SLC14A2: variants seen among roughly 807,000 people sequenced by gnomAD.
The protein encoded by SLC14A2 is solute carrier family 14 member 2.
A neutral mutation model predicts 104.6 loss-of-function variants in SLC14A2; 91 were observed. That is an observed-to-expected ratio of 0.87 (90% CI 0.73 to 1.04). The LOEUF is 1.04. Among genes scored for constraint, SLC14A2 ranks in the 50% least tolerant of loss-of-function variants. SLC14A2 has a pLI of 0.00. For synonymous variants in SLC14A2, 476 were observed against 466.4 expected (o/e 1.02, Z -0.27); for missense variants, 1,189 against 1,156.0 (o/e 1.03, Z -0.41).
chr18:45,304,680 G>A (rs2085000254), intron 1 of SLC14A2, among the ~76,000 whole-genome samples: 2 of 152,196 alleles, frequency 1.3e-5, no homozygotes, highest in Admixed American at 1.3e-4. Flanking sequence ...GGTGTTGGGA[G>A]CAAAAGACAA....
intron 1 of SLC14A2, among the ~76,000 whole-genome samples, chr18:45,266,609 C>A (rs575290039): frequency 3.9e-5 from 6 of 152,092 alleles, no homozygotes; most frequent in Non-Finnish European, 7.4e-5. Context: ...TTCTTTATAG[C>A]CTTTTATGGC....
chr18:45,324,592 C>T (rs989662567), intron 1 of SLC14A2, among the ~76,000 whole-genome samples: 4 of 151,944 alleles, frequency 2.6e-5, no homozygotes, highest in Non-Finnish European at 4.4e-5. Context: ...CCAAGGAATT[C>T]CAGCAAGTCT....
intron 1 of SLC14A2, among the ~76,000 whole-genome samples, chr18:45,401,840 T>G (rs906132832): frequency 6.6e-6 from 1 of 152,124 alleles, no homozygotes; most frequent in African/African-American, 2.4e-5. Flanking sequence ...GGTGATACAT[T>G]AGATATGCTT....
At chr18:45,589,427 A>T (rs893518233) in intron 2 of SLC14A2, among the ~76,000 whole-genome samples, 2 of 152,162 alleles carry the variant, frequency 1.3e-5, no homozygotes, top group African/African-American at 2.4e-5. Context: ...AGGGGCCAAC[A>T]TCTCTGACTG....
At chr18:45,339,652 C>G (rs1398207218) in intron 1 of SLC14A2, among the ~76,000 whole-genome samples, 1 of 152,034 alleles carries the variant, frequency 6.6e-6, no homozygotes, top group African/African-American at 2.4e-5. Flanking sequence ...AAGAGAATGA[C>G]CTGGATTGTG....
intron 10 of SLC14A2, among the ~76,000 whole-genome samples, chr18:45,657,485 A>T (rs1480623942): frequency 6.9e-6 from 1 of 144,150 alleles, no homozygotes; most frequent in Non-Finnish European, 1.5e-5. Context: ...AGACTGTGTC[A>T]AGGAAAAAAA....
intron 2 of SLC14A2, chr18:45,515,578 G>C (rs1364435141): frequency 2.0e-5 from 3 of 152,186 alleles, no homozygotes; most frequent in African/African-American, 7.2e-5. Context: ...GCTTCACATG[G>C]GGATGAAACT....
chr18:45,399,641 A>G (rs999768264), intron 1 of SLC14A2, among the ~76,000 whole-genome samples: 3 of 152,070 alleles, frequency 2.0e-5, no homozygotes, highest in African/African-American at 7.3e-5. Flanking sequence ...GGGGAGAAGG[A>G]AGAATACATA....
chr18:45,471,854 T>A (rs2087255186), intron 1 of SLC14A2, among the ~76,000 whole-genome samples: 1 of 151,642 alleles, frequency 6.6e-6, no homozygotes, highest in Admixed American at 6.6e-5. Flanking sequence ...GGCTTGTTGT[T>A]TTTTTATTTG....
At chr18:45,194,082 CAT>C in the SLC14A2 span, among the ~76,000 whole-genome samples, 1 of 152,194 alleles carries the variant, frequency 6.6e-6, no homozygotes, top group African/African-American at 2.4e-5. Flanking sequence ...TCAACTCCCT[CAT>C]AGTCAACTTT....
rs552377931 is a variant in SLC14A2, at chr18:45,409,371, C to T, written c.-124-73862C>T. On this transcript the variant is annotated intron_variant, in intron 1 of 20. Transcript: ENST00000586448. ...GTTCTGGGGGTCATGTCAATGCCTA[C>T]GGCTACTCCGTCATCTCTCTACCTT... Among the ~76,000 whole-genome samples the T allele has an allele frequency of 9.9e-5, 15 of 152,276 alleles. No homozygotes were observed. In the South Asian group the frequency reaches 1.5e-3, roughly 15 times the overall value.
chr18:45,186,520 C>A, the SLC14A2 span, among the ~76,000 whole-genome samples: 74 of 152,288 alleles, frequency 4.9e-4, no homozygotes, highest in Non-Finnish European at 8.8e-4. Flanking sequence ...CTAGAGACTT[C>A]CAGTTTTAAC....
chr18:45,223,991 C>A (rs1337833724), intron 1 of SLC14A2, among the ~76,000 whole-genome samples: 3 of 152,216 alleles, frequency 2.0e-5, no homozygotes, highest in African/African-American at 7.2e-5. Context: ...CCCTCCAATT[C>A]CTTTCCTTCT....
intron 1 of SLC14A2, among the ~76,000 whole-genome samples, chr18:45,346,732 TGGCCAACATGATGAAACCC>T (rs996488368): frequency 2.0e-5 from 3 of 151,858 alleles, no homozygotes; most frequent in Non-Finnish European, 4.4e-5. Context: ...GTTCGAGACC[TGGCCAACATGATGAAACCC>T]GGCCAACATG....
At chr18:45,676,112 C>T (rs2046225940) in intron 18 of SLC14A2, among the ~76,000 whole-genome samples, 1 of 152,172 alleles carries the variant, frequency 6.6e-6, no homozygotes, top group Non-Finnish European at 1.5e-5. Flanking sequence ...TCTAAATGCT[C>T]AGAGATCTTT....
At chr18:45,332,172 CT>C (rs2085296858) in intron 1 of SLC14A2, among the ~76,000 whole-genome samples, 8 of 152,142 alleles carry the variant, frequency 5.3e-5, no homozygotes, top group Admixed American at 5.2e-4. Context: ...TGGATTTCTC[CT>C]TGGCAATCAG....
At chr18:45,414,923 T>C (rs994778099) in intron 1 of SLC14A2, among the ~76,000 whole-genome samples, 17 of 151,402 alleles carry the variant, frequency 1.1e-4, no homozygotes, top group African/African-American at 4.1e-4. Flanking sequence ...TGTTAATTTA[T>C]TTTCAGCAGA....
At chr18:45,184,705 A>C in the SLC14A2 span, among the ~76,000 whole-genome samples, 1 of 152,262 alleles carries the variant, frequency 6.6e-6, no homozygotes, top group Non-Finnish European at 1.5e-5. Context: ...AGGCATAAGT[A>C]GTAAACTTTC....
chr18:45,351,781 G>A (rs1252085981), intron 1 of SLC14A2, among the ~76,000 whole-genome samples: 1 of 152,208 alleles, frequency 6.6e-6, no homozygotes, highest in Non-Finnish European at 1.5e-5. Flanking sequence ...ATGGAGAGAT[G>A]AGACAGACAT....
Sources: allele counts gnomAD v4.1 joint callset (sites outside exome capture counted in the v4.1 genomes callset), GRCh38; gene constraint gnomAD v4.1.1; transcripts MANE v1.5; gene names NCBI Gene and HGNC (gene_info 2026-07-23, HGNC 2026-07-21).